THRB: variants seen among roughly 807,000 people sequenced by gnomAD.
THRB encodes the protein thyroid hormone receptor beta.
A neutral mutation model predicts 47.8 loss-of-function variants in THRB; 12 were observed. That is an observed-to-expected ratio of 0.25 (90% CI 0.16 to 0.41). The LOEUF (loss-of-function observed/expected upper bound fraction) is 0.41, where lower values mean the gene tolerates loss of function less well. Among genes scored for constraint, THRB ranks in the 10% least tolerant of loss-of-function variants. THRB has a pLI of 1.00. For missense variants in THRB, 348 were observed against 589.2 expected, an observed-to-expected ratio of 0.59 and a Z score of 4.24; for synonymous variants, 218 against 212.2, an observed-to-expected ratio of 1.03 and a Z score of -0.24.
At chr3:24,230,122 AG>A (rs565713114) in intron 3 of THRB, among the ~76,000 whole-genome samples, 86 of 152,342 alleles carry the variant, frequency 5.6e-4, no homozygotes, top group African/African-American at 1.9e-3. Flanking sequence ...AACGAGGCAG[AG>A]GAAGTGTGTG....
intron 1 of THRB, among the ~76,000 whole-genome samples, chr3:24,387,969 T>A (rs2066265018): frequency 6.6e-6 from 1 of 152,088 alleles, no homozygotes; most frequent in African/African-American, 2.4e-5. Context: ...TGCAACCTCA[T>A]CCTTGTGTTC....
At chr3:24,323,699 G>A (rs2149316142) in intron 2 of THRB, among the ~76,000 whole-genome samples, 1 of 152,224 alleles carries the variant, frequency 6.6e-6, no homozygotes, top group East Asian at 1.9e-4. Context: ...TTCTCCCCAG[G>A]ACCTCCACTA....
chr3:24,204,432 A>C (rs768295296), intron 4 of THRB, among the ~76,000 whole-genome samples: 3 of 152,274 alleles, frequency 2.0e-5, no homozygotes, highest in Non-Finnish European at 2.9e-5. Flanking sequence ...ACAGACCTTC[A>C]GCTGAGGGTC....
chr3:24,210,986 G>A (rs368712437), intron 4 of THRB, among the ~76,000 whole-genome samples: 1 of 152,068 alleles, frequency 6.6e-6, no homozygotes, highest in East Asian at 1.9e-4. Flanking sequence ...AATACCTGAG[G>A]TCAGGAGTTC....
intron 6 of THRB, among the ~76,000 whole-genome samples, chr3:24,147,187 T>C (rs987956589): frequency 2.0e-5 from 3 of 152,152 alleles, no homozygotes; most frequent in Admixed American, 6.5e-5. Flanking sequence ...AATTAAGCTA[T>C]GAGGAGTTTT....
intron 4 of THRB, among the ~76,000 whole-genome samples, chr3:24,205,865 AAC>A (rs1316463226): frequency 1.3e-5 from 2 of 152,230 alleles, no homozygotes; most frequent in African/African-American, 4.8e-5. Context: ...TCTCCAATAA[AAC>A]AGACTTTAAA....
chr3:24,230,876 C>T (rs1369090166), intron 3 of THRB, among the ~76,000 whole-genome samples: 1 of 152,158 alleles, frequency 6.6e-6, no homozygotes, highest in Non-Finnish European at 1.5e-5. Flanking sequence ...TATCTAGTTC[C>T]TCTCTAGGGA....
At chr3:24,357,945 A>T (rs1297897768) in intron 1 of THRB, among the ~76,000 whole-genome samples, 1 of 152,066 alleles carries the variant, frequency 6.6e-6, no homozygotes, top group Non-Finnish European at 1.5e-5. Flanking sequence ...TTGCAGATTT[A>T]TCACTGCCTG....
chr3:24,287,853 T>G (rs2055487690), intron 3 of THRB, among the ~76,000 whole-genome samples: 1 of 152,144 alleles, frequency 6.6e-6, no homozygotes. Context: ...TACTTTGGCA[T>G]GAACTTTAAA....
At chr3:24,146,022 C>A (rs1040114128) in intron 7 of THRB, among the ~76,000 whole-genome samples, 1 of 152,082 alleles carries the variant, frequency 6.6e-6, no homozygotes, top group Non-Finnish European at 1.5e-5. Flanking sequence ...GGAGAAGAGA[C>A]CCCAAGGGCT....
At chr3:24,299,057 C>T (rs2056691161) in intron 2 of THRB, among the ~76,000 whole-genome samples, 1 of 151,728 alleles carries the variant, frequency 6.6e-6, no homozygotes, top group African/African-American at 2.4e-5. Context: ...ACCATCCTGG[C>T]TAACACAGTG....
In THRB at chr3:24,118,641, T is replaced by C. The variant is rs1245671732; in HGVS notation, c.*4243A>G. The C allele has an allele frequency of 1.3e-5, 2 of 152,676 alleles. No homozygotes were observed. The highest frequency in any genetic ancestry group is 1.3e-4 in the Admixed American group (2 of 15,284). The allele number at this position is 152,676 out of a possible 1,614,324, so 9.5% of individuals were successfully genotyped here. ...AAGAAAGAAGTGGCATAATGTCACA[T>C]CAGCTCATTCATGCCCTGATAATTT... On this transcript the variant is annotated 3_prime_UTR_variant, in exon 11 of 11. Coordinates refer to ENST00000646209, the MANE Select transcript of THRB (RefSeq NM_001354712.2).
chr3:24,184,643 C>T (rs1349861807), intron 5 of THRB, among the ~76,000 whole-genome samples: 2 of 152,134 alleles, frequency 1.3e-5, no homozygotes, highest in African/African-American at 4.8e-5. Flanking sequence ...TCAAATCACA[C>T]AGCTATCTGA....
chr3:24,286,036 C>T (rs544795949), intron 3 of THRB, among the ~76,000 whole-genome samples: 7 of 152,244 alleles, frequency 4.6e-5, no homozygotes, highest in African/African-American at 1.7e-4. Context: ...AGAGATTTTG[C>T]TCTTCATACA....
chr3:24,384,800 C>A (rs2065967658), intron 1 of THRB, among the ~76,000 whole-genome samples: 1 of 152,052 alleles, frequency 6.6e-6, no homozygotes, highest in Non-Finnish European at 1.5e-5. Context: ...AATCCATGCA[C>A]CCCTGACCTA....
chr3:24,211,364 C>T (rs1370435365), intron 4 of THRB, among the ~76,000 whole-genome samples: 6 of 152,166 alleles, frequency 3.9e-5, no homozygotes, highest in Admixed American at 3.9e-4. Flanking sequence ...TGCTTTCCAG[C>T]AAGGGGAGAA....
intron 5 of THRB, among the ~76,000 whole-genome samples, chr3:24,169,224 C>G (rs1156558806): frequency 6.6e-6 from 1 of 152,116 alleles, no homozygotes; most frequent in Non-Finnish European, 1.5e-5. Flanking sequence ...GTCTGTGTGA[C>G]TAACTTCTGG....
intron 1 of THRB, among the ~76,000 whole-genome samples, chr3:24,342,748 T>C (rs910403369): frequency 3.3e-5 from 5 of 151,964 alleles, no homozygotes; most frequent in African/African-American, 7.3e-5. Context: ...TTTTGTGACA[T>C]CCTTAAAAAT....
At chr3:24,455,329 CTAGA>C (rs955752817) in intron 1 of THRB, 1 of 151,852 alleles carries the variant, frequency 6.6e-6, no homozygotes, top group Non-Finnish European at 1.5e-5. Flanking sequence ...TTTTCCACTC[CTAGA>C]TAATATGCCT....
Sources: gnomAD v4.1 joint callset for allele counts (sites outside exome capture counted in the v4.1 genomes callset) on GRCh38, gnomAD v4.1.1 for gene constraint, MANE v1.5 for transcripts, NCBI Gene and HGNC (gene_info 2026-07-23, HGNC 2026-07-21) for gene names.